Variants in INSL6 observed in about 807,000 individuals in gnomAD.
INSL6 encodes the protein insulin-like peptide INSL6.
In INSL6, 16 loss-of-function variants were observed where a neutral mutation model predicts 9.4. The observed-to-expected ratio is 1.70, with a 90% CI of 1.15 to 2.59. The LOEUF is 2.59. Among genes scored for constraint, INSL6 ranks in the 30% most tolerant of loss-of-function variants. INSL6 has a pLI of 0.00. For missense variants in INSL6, 391 were observed against 257.3 expected (o/e 1.52, Z -3.56); for synonymous variants, 154 against 96.9 (o/e 1.59, Z -3.46).
At chr9:5,017,260 T>C in the INSL6 span, among the ~76,000 whole-genome samples, 1 of 152,182 alleles carries the variant, frequency 6.6e-6, no homozygotes, top group Admixed American at 6.5e-5. Context: ...CTGAAAGGTC[T>C]ACTAAAAGAT....
chr9:5,151,222 C>T (rs79704349), intron 2 of INSL6, among the ~76,000 whole-genome samples: 1 of 151,750 alleles, frequency 6.6e-6, no homozygotes. Flanking sequence ...CTTATACCCC[C>T]AAATCAATAT....
chr9:5,062,365 ATAATAG>A, the INSL6 span, among the ~76,000 whole-genome samples: 11 of 152,066 alleles, frequency 7.2e-5, no homozygotes, highest in African/African-American at 2.2e-4. Flanking sequence ...CGTAACAGGT[ATAATAG>A]TAATAAAGTT....
chr9:5,170,256 G>C (rs537893385), intron 1 of INSL6, among the ~76,000 whole-genome samples: 6 of 152,146 alleles, frequency 3.9e-5, no homozygotes, highest in African/African-American at 1.4e-4. Flanking sequence ...GTGACTCCTG[G>C]GTAAATGATA....
chr9:5,140,967 T>C (rs757746551), intron 2 of INSL6, among the ~76,000 whole-genome samples: 1 of 152,070 alleles, frequency 6.6e-6, no homozygotes, highest in Non-Finnish European at 1.5e-5. Flanking sequence ...CGGTATATGG[T>C]TTTCTGCTTC....
chr9:5,115,454 T>C, the INSL6 span, among the ~76,000 whole-genome samples: 3 of 152,182 alleles, frequency 2.0e-5, no homozygotes, highest in Non-Finnish European at 4.4e-5. Context: ...TGCTTTTACA[T>C]TGTTGATGGG....
At chr9:5,115,711 C>T in the INSL6 span, among the ~76,000 whole-genome samples, 1 of 152,176 alleles carries the variant, frequency 6.6e-6, no homozygotes, top group Admixed American at 6.5e-5. Context: ...CACATATACA[C>T]CATGGAATAC....
chr9:5,002,677 C>G, the INSL6 span, among the ~76,000 whole-genome samples: 1 of 151,826 alleles, frequency 6.6e-6, no homozygotes, highest in Non-Finnish European at 1.5e-5. Flanking sequence ...ATTATTTTTA[C>G]TGATTAAAAA....
the INSL6 span, among the ~76,000 whole-genome samples, chr9:5,103,862 A>G: frequency 2.6e-5 from 4 of 152,262 alleles, no homozygotes; most frequent in Non-Finnish European, 4.4e-5. Flanking sequence ...ATGTTCTTTG[A>G]AACCAACGAG....
At chr9:5,013,459 G>A in the INSL6 span, among the ~76,000 whole-genome samples, 1 of 152,054 alleles carries the variant, frequency 6.6e-6, no homozygotes, top group South Asian at 2.1e-4. Context: ...TTATATTCTT[G>A]GCTTCTTCTT....
chr9:5,123,516 G>T (rs1387195287), downstream of INSL6, among the ~76,000 whole-genome samples: 1 of 151,928 alleles, frequency 6.6e-6, no homozygotes, highest in Non-Finnish European at 1.5e-5. Flanking sequence ...ATTCCATTTT[G>T]TATGTATACC....
chr9:5,119,900 G>A (rs934494091), downstream of INSL6, among the ~76,000 whole-genome samples: 8 of 152,070 alleles, frequency 5.3e-5, no homozygotes, highest in African/African-American at 1.9e-4. Flanking sequence ...ACAATGAAAT[G>A]AAGTTCATTA....
chr9:5,086,146 A>G, the INSL6 span: 9 of 357,650 alleles, frequency 2.5e-5, no homozygotes, highest in Middle Eastern at 9.9e-4. Flanking sequence ...CGGCCCCGCA[A>G]GGCTCGGGGA....
At chr9:5,030,544 A>C in the INSL6 span, among the ~76,000 whole-genome samples, 1 of 152,142 alleles carries the variant, frequency 6.6e-6, no homozygotes, top group Non-Finnish European at 1.5e-5. Context: ...TTAAAGATAA[A>C]GAATTTGGAG....
intron 2 of INSL6, among the ~76,000 whole-genome samples, chr9:5,135,493 A>C (rs1824373120): frequency 6.6e-6 from 1 of 152,220 alleles, no homozygotes; most frequent in African/African-American, 2.4e-5. Context: ...AACTACATGG[A>C]AACTGAACAA....
At chr9:4,996,408 A>T in the INSL6 span, among the ~76,000 whole-genome samples, 2 of 152,166 alleles carry the variant, frequency 1.3e-5, no homozygotes, top group African/African-American at 4.8e-5. Flanking sequence ...AGATCGTGCC[A>T]TTGCACTCTA....
the INSL6 span, chr9:5,054,709 A>ATT: frequency 6.2e-7 from 1 of 1,613,388 alleles, no homozygotes. The surrounding 1 kb of genome is among the most constrained non-coding windows in gnomAD (Gnocchi z 4.9). Context: ...AAACTTAAGT[A>ATT]TCTTATAAAT....
the INSL6 span, among the ~76,000 whole-genome samples, chr9:5,077,753 A>T: frequency 6.6e-6 from 1 of 152,216 alleles, no homozygotes; most frequent in Non-Finnish European, 1.5e-5. Context: ...TATGTATGTA[A>T]AATCACTTTT....
At chr9:5,160,441 G>A (rs187341562), downstream of INSL6, among the ~76,000 whole-genome samples, 14 of 152,146 alleles carry the variant, frequency 9.2e-5, no homozygotes, top group Admixed American at 9.2e-4. Context: ...TGCGATACAG[G>A]GAAAGCAGTA....
chr9:5,134,191 T>A (rs956040371), intron 2 of INSL6, among the ~76,000 whole-genome samples: 3 of 152,104 alleles, frequency 2.0e-5, no homozygotes, highest in African/African-American at 7.2e-5. Flanking sequence ...AATATGGGAC[T>A]ATGTGAAAAG....
Sources: gnomAD v4.1 joint callset for allele counts (sites outside exome capture counted in the v4.1 genomes callset) on GRCh38, gnomAD v4.1.1 for gene constraint, Gnocchi (gnomAD v3.1) non-coding constraint, MANE v1.5 for transcripts, NCBI Gene and HGNC (gene_info 2026-07-23, HGNC 2026-07-21) for gene names.